SV2B: variants seen among roughly 807,000 people sequenced by gnomAD.
The protein encoded by SV2B is solute carrier family 22 member B2.
SV2B carries 41 observed loss-of-function variants against 73.9 expected under a neutral mutation model. The observed-to-expected ratio is 0.56, with a 90% CI of 0.43 to 0.72. The LOEUF (loss-of-function observed/expected upper bound fraction) is 0.72, where lower values mean the gene tolerates loss of function less well. SV2B is among the 30% of genes least tolerant of loss of function. The pLI is 0.00. For missense variants in SV2B, 764 were observed against 857.8 expected, an observed-to-expected ratio of 0.89 and a Z score of 1.37; for synonymous variants, 314 against 314.2, an observed-to-expected ratio of 1.00 and a Z score of 0.01.
intron 1 of SV2B, among the ~76,000 whole-genome samples, chr15:91,108,871 T>C (rs1382844878): frequency 1.3e-5 from 2 of 152,228 alleles, no homozygotes; most frequent in East Asian, 3.8e-4. Flanking sequence ...GGTTCCCTGC[T>C]TCAGCTCCCA....
In SV2B at chr15:91,260,310, G is replaced by A; in HGVS notation, c.919-10G>A. The A allele has an allele frequency of 6.2e-7, 1 of 1,601,794 alleles. No individual in the cohort carries two copies. The highest frequency in any genetic ancestry group is 1.3e-5 in the African/African-American group (1 of 74,116). On this transcript the variant is annotated splice_polypyrimidine_tract_variant and intron_variant, in intron 5 of 12. Coordinates refer to ENST00000394232, the MANE Select transcript of SV2B (RefSeq NM_001323032.3). ...TGAATTTTTCCTGTGTCTTTCCTTG[G>A]TTTCACCAGATGGGCAAACATGATG...
At chr15:91,225,095 C>T (rs2046330913) in intron 1 of SV2B, among the ~76,000 whole-genome samples, 1 of 152,198 alleles carries the variant, frequency 6.6e-6, no homozygotes, top group Non-Finnish European at 1.5e-5. Context: ...ATTGTTATCC[C>T]ATTTTATACA....
chr15:91,260,811 C>A (rs1350472442), intron 6 of SV2B, among the ~76,000 whole-genome samples: 1 of 152,104 alleles, frequency 6.6e-6, no homozygotes, highest in African/African-American at 2.4e-5. Flanking sequence ...ATGGTGGTGG[C>A]AAGAGAAAAT....
intron 2 of SV2B, among the ~76,000 whole-genome samples, chr15:91,250,045 G>C (rs1001619371): frequency 1.3e-5 from 2 of 152,178 alleles, no homozygotes; most frequent in East Asian, 1.9e-4. Context: ...ACCAAAGCCA[G>C]AGAAGAACAC....
chr15:91,232,458 C>CA lies in SV2B; in HGVS notation c.451+5744_451+5745insA, dbSNP rs2046615462. On this transcript the variant is annotated intron_variant, in intron 2 of 12. Transcript: ENST00000394232. This position sits in a 1 kb window ranked among gnomAD's most constrained non-coding sequence, Gnocchi z 4.7. ...AGTTGATTCCACCGGCAATGGAGAGCTGTTTAATGGGGAGCTATGAAATAT... is the reference window on the plus strand; with the variant it reads ...AGTTGATTCCACCGGCAATGGAGAGCATGTTTAATGGGGAGCTATGAAATAT... 6.6e-6 allele frequency among the ~76,000 whole-genome samples: 1 copy of CA among 152,080 alleles called. No individual in the cohort carries two copies. The highest frequency in any genetic ancestry group is 1.5e-5 in the Non-Finnish European group (1 of 68,020).
At chr15:91,271,808 C>G (rs1387300614) in intron 9 of SV2B, among the ~76,000 whole-genome samples, 1 of 152,190 alleles carries the variant, frequency 6.6e-6, no homozygotes, top group Non-Finnish European at 1.5e-5. Flanking sequence ...CCCCAACCCT[C>G]TTCTGAGCGC....
Position 91,168,301 on chromosome 15 carries a change from C to CGAGAGAGAGAGAGAGAGAGAGAGAGAGA in SV2B, c.-391-57569_-391-57542dup, listed in dbSNP as rs113991291. 3.2e-3 allele frequency among the ~76,000 whole-genome samples: 444 copies of CGAGAGAGAGAGAGAGAGAGAGAGAGAGA among 137,200 alleles called. 5 individuals are homozygous for CGAGAGAGAGAGAGAGAGAGAGAGAGAGA. Among genetic ancestry groups the CGAGAGAGAGAGAGAGAGAGAGAGAGAGA allele is most frequent in the South Asian group, 0.011 (42 of 3,954 alleles). The allele number at this position is 137,200 out of a possible 152,430, so 90.0% of individuals were successfully genotyped here. On this transcript the variant is annotated intron_variant, in intron 1 of 12. Transcript: ENST00000394232. ...TACCTTTGGGCAAAATGGTGAGATACGAGAGAGAGAGAGAGAGAGAGAGAG... is the reference window on the plus strand; with the variant it reads ...TACCTTTGGGCAAAATGGTGAGATACGAGAGAGAGAGAGAGAGAGAGAGAGAGAGAGAGAGAGAGAGAGAGAGAGAGAG...
In SV2B at chr15:91,294,535, G is replaced by C. The variant is rs1173968422; in HGVS notation, c.*1983G>C. 2 of 152,112 alleles carry C rather than the reference G, an allele frequency of 1.3e-5. No homozygotes were observed. The highest frequency in any genetic ancestry group is 2.9e-5 in the Non-Finnish European group (2 of 68,024). The allele number at this position is 152,112 out of a possible 1,614,324, so 9.4% of individuals were successfully genotyped here. On this transcript the variant is annotated 3_prime_UTR_variant, in exon 13 of 13. Coordinates refer to ENST00000394232, the MANE Select transcript of SV2B (RefSeq NM_001323032.3). The surrounding 1 kb of genome is among the most constrained non-coding windows in gnomAD (Gnocchi z 4.1). ...TTTATTGCTCTGTCAATAATGAAAG[G>C]CTCGATGTAATATAGCTGTAATTTA... is the stretch of plus-strand genomic sequence containing the variant.
At chr15:91,278,494 G>C (rs2048568617) in intron 9 of SV2B, among the ~76,000 whole-genome samples, 1 of 151,640 alleles carries the variant, frequency 6.6e-6, no homozygotes, top group African/African-American at 2.4e-5. Flanking sequence ...TGGCTAACAA[G>C]GTGAAACCCC....
rs1377280071 is a variant in SV2B at position 91,226,714 on chromosome 15, G to A, written c.451G>A (p.Gly151Arg). The change falls in exon 2 of 13, where the codon GGG becomes AGG. Residue 151 changes from glycine (G) to arginine (R), a missense_variant and splice_region_variant. Coordinates refer to ENST00000394232, the MANE Select transcript of SV2B (RefSeq NM_001323032.3). ...GTCCAGTTCCAAAAAAGGAATGCTAGGTAAGTGGAAATTTCCAATGATCCC... is the reference window on the plus strand; with the variant it reads ...GTCCAGTTCCAAAAAAGGAATGCTAAGTAAGTGGAAATTTCCAATGATCCC... ...CLSSSKKGML[G>R]MIVYLGMMAG... The A allele has an allele frequency of 6.3e-7, 1 of 1,599,102 alleles. No homozygotes were observed. The highest frequency in any genetic ancestry group is 8.5e-7 in the Non-Finnish European group (1 of 1,178,014).
At chr15:91,135,998 T>C (rs2042812193) in intron 1 of SV2B, among the ~76,000 whole-genome samples, 1 of 151,880 alleles carries the variant, frequency 6.6e-6, no homozygotes, top group Admixed American at 6.6e-5. Flanking sequence ...CACTGCCTCT[T>C]CCCCAACACA....
intron 4 of SV2B, among the ~76,000 whole-genome samples, chr15:91,254,121 T>C (rs1231008219): frequency 6.6e-6 from 1 of 152,220 alleles, no homozygotes; most frequent in Non-Finnish European, 1.5e-5. Flanking sequence ...GTTGATTATA[T>C]GGTTTTGAGG....
At position 91,259,880 on chromosome 15, in the gene SV2B, G is replaced by A. The variant is rs142620445; in HGVS notation, c.919-440G>A. Reference sequence around the variant, plus strand: ...TAATTTAGCTAATTGCACCTGCCACGACCCTATTTCCGAATAAAGTCACTC... The same window carrying A: ...TAATTTAGCTAATTGCACCTGCCACAACCCTATTTCCGAATAAAGTCACTC... On this transcript the variant is annotated intron_variant, in intron 5 of 12. Transcript: ENST00000394232. 3.1e-3 allele frequency among the ~76,000 whole-genome samples: 477 copies of A among 152,168 alleles called. 7 individuals carry two copies. The highest frequency in any genetic ancestry group is 7.9e-3 in the Admixed American group (121 of 15,282).
chr15:91,269,531 C>T (rs917124688), intron 9 of SV2B, among the ~76,000 whole-genome samples: 1 of 152,230 alleles, frequency 6.6e-6, no homozygotes, highest in African/African-American at 2.4e-5. Flanking sequence ...CACGAATTCT[C>T]ACCTCTGGTG....
intron 1 of SV2B, among the ~76,000 whole-genome samples, chr15:91,206,079 C>T (rs945106771): frequency 1.1e-4 from 16 of 152,066 alleles, no homozygotes; most frequent in African/African-American, 3.9e-4. Context: ...CCTCTGTTGC[C>T]CTGGCTGGAG....
At chr15:91,169,331 C>A (rs1300796470) in intron 1 of SV2B, among the ~76,000 whole-genome samples, 3 of 152,124 alleles carry the variant, frequency 2.0e-5, no homozygotes, top group Non-Finnish European at 4.4e-5. Flanking sequence ...ATTTCACTCT[C>A]CTGCATGTGG....
chr15:91,186,396 G>A (rs995463561), intron 1 of SV2B, among the ~76,000 whole-genome samples: 6 of 152,290 alleles, frequency 3.9e-5, no homozygotes, highest in South Asian at 4.1e-4. Flanking sequence ...AATAGAAAAA[G>A]CATTATACAT....
At chr15:91,205,649 A>G (rs1271598467) in intron 1 of SV2B, among the ~76,000 whole-genome samples, 2 of 152,168 alleles carry the variant, frequency 1.3e-5, no homozygotes, top group African/African-American at 4.8e-5. Flanking sequence ...TACAGGTGTG[A>G]GCCACCACGC....
intron 1 of SV2B, among the ~76,000 whole-genome samples, chr15:91,181,783 G>A (rs2044584962): frequency 6.6e-6 from 1 of 151,502 alleles, no homozygotes; most frequent in African/African-American, 2.4e-5. Flanking sequence ...TCATGTAGGA[G>A]TCATGGTTGA....
Sources: gnomAD v4.1 joint callset for allele counts (sites outside exome capture counted in the v4.1 genomes callset) on GRCh38, gnomAD v4.1.1 for gene constraint, Gnocchi (gnomAD v3.1) non-coding constraint, MANE v1.5 for transcripts, NCBI Gene and HGNC (gene_info 2026-07-23, HGNC 2026-07-21) for gene names.